The following CCDC187 variants were observed in gnomAD, a reference collection of about 807,000 sequenced individuals.
CCDC187 encodes the protein coiled-coil domain-containing protein 187.
A neutral mutation model predicts 38.0 loss-of-function variants in CCDC187; 32 were observed. The observed-to-expected ratio is 0.84, with a 90% CI of 0.64 to 1.13. CCDC187 has a LOEUF of 1.13. Ranked by LOEUF, CCDC187 falls within the 50% of genes most tolerant of loss-of-function variation. The probability of loss-of-function intolerance (pLI) is 0.00; values close to 1 mark genes in which losing one functional copy is unlikely to be tolerated. For synonymous variants in CCDC187, 333 were observed against 347.9 expected, an observed-to-expected ratio of 0.96 and a Z score of 0.48; for missense variants, 707 against 786.8, an observed-to-expected ratio of 0.90 and a Z score of 1.21.
chr9:136,286,078 G>A lies in CCDC187; in HGVS notation c.2833+7C>T, dbSNP rs1000391506. On this transcript the variant is annotated splice_region_variant and intron_variant, in intron 8 of 25. Coordinates refer to ENST00000638797, the MANE Select transcript of CCDC187 (RefSeq NM_001378188.1). ...CAGCGGTCACCGTGTCCCGGGTGCCGGCCTACCTCGGGGCTTGCTCTCGCA... is the reference window on the plus strand; with the variant it reads ...CAGCGGTCACCGTGTCCCGGGTGCCAGCCTACCTCGGGGCTTGCTCTCGCA... 10 of 398,312 alleles carry A rather than the reference G, an allele frequency of 2.5e-5. No homozygotes were observed. Among genetic ancestry groups the A allele is most frequent in the East Asian group, 3.6e-5 (1 of 28,086 alleles). The allele number at this position is 398,312 out of a possible 1,614,324, so 24.7% of individuals were successfully genotyped here.
chr9:136,297,335 G>A (rs1437451820), intron 4 of CCDC187, among the ~76,000 whole-genome samples: 2 of 151,862 alleles, frequency 1.3e-5, no homozygotes, highest in Admixed American at 1.3e-4. Flanking sequence ...TGTGAGCTGC[G>A]GGTACCGTGA....
chr9:136,294,148 T>A (rs1434281105), intron 4 of CCDC187, among the ~76,000 whole-genome samples: 12 of 137,978 alleles, frequency 8.7e-5, no homozygotes, highest in Non-Finnish European at 1.5e-4. Context: ...CCTCACATGC[T>A]CTCACACACA....
In CCDC187 at chr9:136,253,911, C is replaced by G. The variant is rs141570699; in HGVS notation, c.5917G>C (p.Glu1973Gln). The G allele has an allele frequency of 2.0e-3, 1,791 of 900,232 alleles. 30 individuals are homozygous for G. In the African/African-American group the frequency reaches 0.03, roughly 15 times the overall value. The allele number at this position is 900,232 out of a possible 1,614,324, so 55.8% of individuals were successfully genotyped here. ...CCGGCAAGTAGGGGACAGGCTTCCTCCAGGACAGTGGGGGCCCCATTCCCA... is the reference window on the plus strand; with the variant it reads ...CCGGCAAGTAGGGGACAGGCTTCCTGCAGGACAGTGGGGGCCCCATTCCCA... ...PGGNGAPTVL[E>Q]EACPLLAGDV... The change falls in exon 26 of 26, where the codon GAG (glutamate) becomes CAG (glutamine). Residue 1973 changes from glutamate (E) to glutamine (Q), a missense_variant. By Grantham distance (29) the Glu-to-Gln change is conservative. Transcript: ENST00000638797.
intron 2 of CCDC187, among the ~76,000 whole-genome samples, chr9:136,300,744 C>G (rs1056156139): frequency 6.6e-6 from 1 of 152,154 alleles, no homozygotes; most frequent in Non-Finnish European, 1.5e-5. Context: ...ATTACAGACG[C>G]CTGCCACAAC....
rs1830541545 is a variant in CCDC187 at position 136,251,838 on chromosome 9, GGGGGAAGAGCCGGCCA to G, written c.*1740_*1755del. The G allele has an allele frequency of 7.6e-6, 1 of 132,122 alleles. No individual in the cohort carries two copies. The highest frequency in any genetic ancestry group is 1.6e-5 in the Non-Finnish European group (1 of 61,328). The allele number at this position is 132,122 out of a possible 1,614,324, so 8.2% of individuals were successfully genotyped here. A position where few individuals can be genotyped will look rare whatever the true frequency, so the allele number is the denominator to read the frequency against. On this transcript the variant is annotated 3_prime_UTR_variant, in exon 26 of 26. Transcript: ENST00000638797. The stretch of plus-strand genomic sequence containing the variant: ...GGAGCCGGCGCCCACCCTGTCCACC[GGGGGAAGAGCCGGCCA>G]CCCACCCGGTCCACCCCGGGAAGGT...
chr9:136,299,647 C>T (rs894270567), intron 3 of CCDC187, among the ~76,000 whole-genome samples: 4 of 152,188 alleles, frequency 2.6e-5, no homozygotes, highest in African/African-American at 7.2e-5. Flanking sequence ...ATCCTCCAGC[C>T]CCCAGAAGCA....
intron 15 of CCDC187, chr9:136,267,820 C>G: frequency 5.1e-6 from 5 of 982,134 alleles, no homozygotes; most frequent in Non-Finnish European, 6.0e-6. Context: ...TAACCCTGCC[C>G]AAAGCACCAT....
At chr9:136,259,528 A>T in intron 20 of CCDC187, 80 bp from the exon 21 acceptor site, 1 of 623,380 alleles carries the variant, frequency 1.6e-6, no homozygotes, top group South Asian at 7.2e-5. Flanking sequence ...CAGGGGCAGA[A>T]TGGAGCTGCC....
At chr9:136,284,503 G>A (rs1041467454) in intron 9 of CCDC187, among the ~76,000 whole-genome samples, 11 of 152,286 alleles carry the variant, frequency 7.2e-5, no homozygotes, top group African/African-American at 2.4e-4. Context: ...AGGTCAGGCC[G>A]GGGTCCCTCA....
intron 4 of CCDC187, among the ~76,000 whole-genome samples, chr9:136,295,393 T>C (rs1831511723): frequency 6.6e-6 from 1 of 152,230 alleles, no homozygotes; most frequent in Non-Finnish European, 1.5e-5. Flanking sequence ...CGCTGAGCAG[T>C]TTAATGGCAA....
At chr9:136,290,104 G>A (rs1000641201) in intron 6 of CCDC187, 51 bp from the exon 7 acceptor site, 11 of 398,568 alleles carry the variant, frequency 2.8e-5, no homozygotes, top group East Asian at 1.4e-4. Context: ...AAGACCACAC[G>A]CCCCGTTCTC....
At position 136,263,802 on chromosome 9, in the gene CCDC187, A is replaced by G; in HGVS notation, c.3736-4T>C. ...GTCTCAGGTATTGGATTTCCCTCTG[A>G]GCAGGCAAAATAAGCAGATGTCAGC... is the stretch of plus-strand genomic sequence containing the variant. On this transcript the variant is annotated splice_region_variant and splice_polypyrimidine_tract_variant and intron_variant, in intron 17 of 25. Transcript: ENST00000638797. The G allele has an allele frequency of 1.0e-6, 1 of 985,476 alleles. No individual in the cohort carries two copies. Among genetic ancestry groups the G allele is most frequent in the Non-Finnish European group, 1.2e-6 (1 of 829,950 alleles). 61.0% of individuals were successfully genotyped at this position (985,476 alleles called of 1,614,324 possible). A position where few individuals can be genotyped will look rare whatever the true frequency, so the allele number is the denominator to read the frequency against.
intron 14 of CCDC187, among the ~76,000 whole-genome samples, chr9:136,273,655 A>G (rs571116271): frequency 6.6e-6 from 1 of 152,336 alleles, no homozygotes; most frequent in African/African-American, 2.4e-5. Flanking sequence ...TGATCCACCA[A>G]CTTGATCTAA....
Position 136,281,660 on chromosome 9 carries a change from T to G in CCDC187, c.2931A>C (p.Ser977=). ...GGTGCAGCGTGGCTGGGCCCGCATA[T>G]GAGCTGGAAGACACAGGCACACGTG... ...FQALSPSAGS[S]YAGPATLHPI... The change falls in exon 10 of 26, where the codon TCA becomes TCC. Residue 977 remains serine, a synonymous_variant. Coordinates refer to ENST00000638797, the MANE Select transcript of CCDC187 (RefSeq NM_001378188.1). 1 of 398,474 alleles carries G rather than the reference T, an allele frequency of 2.5e-6. No homozygotes were observed. The highest frequency in any genetic ancestry group is 4.4e-6 in the Non-Finnish European group (1 of 225,990). 24.7% of individuals were successfully genotyped at this position (398,474 alleles called of 1,614,324 possible).
upstream of CCDC187, among the ~76,000 whole-genome samples, chr9:136,306,419 C>A (rs1030973084): frequency 1.3e-4 from 20 of 152,304 alleles, no homozygotes; most frequent in Non-Finnish European, 2.4e-4. Flanking sequence ...CCTGGGGGGA[C>A]GGTCCCCTGG....
chr9:136,303,121 C>T lies in CCDC187; in HGVS notation c.316G>A (p.Ala106Thr). 1 of 398,656 alleles carries T rather than the reference C, an allele frequency of 2.5e-6. No homozygotes were observed. The highest frequency in any genetic ancestry group is 4.4e-6 in the Non-Finnish European group (1 of 226,068). The allele number at this position is 398,656 out of a possible 1,614,324, so 24.7% of individuals were successfully genotyped here. Reference sequence around the variant, plus strand: ...GACACCGAGCTGTCCCCATCCCTAGCCTCCGGGCCTGTGGACCACATGGGC... The same window carrying T: ...GACACCGAGCTGTCCCCATCCCTAGTCTCCGGGCCTGTGGACCACATGGGC... ...SLPMWSTGPE[A>T]RDGDSSVSSG... Residue 106 changes from alanine (A) to threonine (T), a missense_variant, in exon 2 of 26, where the codon GCT (alanine) becomes ACT (threonine). Coordinates refer to ENST00000638797, the MANE Select transcript of CCDC187 (RefSeq NM_001378188.1).
chr9:136,261,848 G>A (rs1187288011), intron 19 of CCDC187, among the ~76,000 whole-genome samples: 1 of 152,222 alleles, frequency 6.6e-6, no homozygotes, highest in African/African-American at 2.4e-5. Flanking sequence ...TGAGCTCAAA[G>A]GAGAGAAGGC....
rs891336131 is a variant in CCDC187 at position 136,264,603 on chromosome 9, C to T, written c.3736-805G>A. Among the ~76,000 whole-genome samples the T allele has an allele frequency of 6.6e-6, 1 of 152,168 alleles. No homozygotes were observed. Among genetic ancestry groups the T allele is most frequent in the Admixed American group, 6.5e-5 (1 of 15,278 alleles). On this transcript the variant is annotated intron_variant, in intron 17 of 25. Coordinates refer to ENST00000638797, the MANE Select transcript of CCDC187 (RefSeq NM_001378188.1). This position sits in a 1 kb window ranked among gnomAD's most constrained non-coding sequence, Gnocchi z 4.3. ...GGGTCTCCGCCCCCAGCTCCCTTGC[C>T]TGTAATGCCCCATGCCTGACACCCC...
At chr9:136,294,104 TCACACTCA>T (rs1278947908) in intron 4 of CCDC187, among the ~76,000 whole-genome samples, 8 of 110,806 alleles carry the variant, frequency 7.2e-5, no homozygotes, top group Non-Finnish European at 1.1e-4. Flanking sequence ...CCTCAAGTGC[TCACACTCA>T]CACACTCTCA....
Sources: gnomAD v4.1 joint callset for allele counts (sites outside exome capture counted in the v4.1 genomes callset) on GRCh38, gnomAD v4.1.1 for gene constraint, Gnocchi (gnomAD v3.1) non-coding constraint, MANE v1.5 for transcripts, NCBI Gene and HGNC (gene_info 2026-07-23, HGNC 2026-07-21) for gene names.